GFPT2: variants seen among roughly 807,000 people sequenced by gnomAD.
The protein encoded by GFPT2 is glutamine--fructose-6-phosphate aminotransferase [isomerizing] 2.
In GFPT2, 62 loss-of-function variants were observed where a neutral mutation model predicts 85.6. The ratio of observed to expected loss-of-function variants is 0.72; its 90% confidence interval spans 0.59 to 0.90. The LOEUF (loss-of-function observed/expected upper bound fraction) is 0.90, where lower values mean the gene tolerates loss of function less well. GFPT2 is among the 40% of genes least tolerant of loss of function. The probability of loss-of-function intolerance (pLI) is 0.00; values close to 1 mark genes in which losing one functional copy is unlikely to be tolerated. For missense variants in GFPT2, 788 were observed against 893.4 expected, an observed-to-expected ratio of 0.88 and a Z score of 1.50; for synonymous variants, 368 against 344.5, an observed-to-expected ratio of 1.07 and a Z score of -0.75.
chr5:180,351,873 C>T (rs766470159), intron 1 of GFPT2, among the ~76,000 whole-genome samples: 2 of 152,146 alleles, frequency 1.3e-5, no homozygotes, highest in Non-Finnish European at 2.9e-5. Flanking sequence ...CCTCCTGGTT[C>T]AAGGGTCTCC....
intron 15 of GFPT2, among the ~76,000 whole-genome samples, chr5:180,309,935 C>T (rs1222036957): frequency 4.0e-5 from 6 of 151,764 alleles, no homozygotes; most frequent in Admixed American, 1.3e-4. Context: ...CTCAGCCCCC[C>T]GAGTAGCTGG....
At chr5:180,333,175 T>C (rs1009139542) in intron 4 of GFPT2, among the ~76,000 whole-genome samples, 1 of 152,186 alleles carries the variant, frequency 6.6e-6, no homozygotes, top group Admixed American at 6.5e-5. Flanking sequence ...CCATATTAAC[T>C]GGCTCCACGT....
intron 17 of GFPT2, among the ~76,000 whole-genome samples, chr5:180,302,979 C>T (rs1763706181): frequency 6.6e-6 from 1 of 152,024 alleles, no homozygotes; most frequent in African/African-American, 2.4e-5. Context: ...CCTGTAATCC[C>T]AACACTTTGG....
At chr5:180,331,016 G>A (rs1764290983) in intron 5 of GFPT2, 182 bp from the exon 6 acceptor site, 2 of 592,878 alleles carry the variant, frequency 3.4e-6, no homozygotes, top group Non-Finnish European at 5.9e-6. Context: ...CACTCCCGGA[G>A]GCCCTGAGAT....
chr5:180,316,929 C>G, intron 11 of GFPT2, 34 bp downstream of exon 11: 4 of 1,554,578 alleles, frequency 2.6e-6, no homozygotes, highest in Non-Finnish European at 3.6e-6. Context: ...AGACTAGGCT[C>G]GGGCGGAGGC....
At chr5:180,336,681 T>C (rs930065512) in intron 2 of GFPT2, 104 bp from the exon 3 acceptor site, 8 of 786,330 alleles carry the variant, frequency 1.0e-5, no homozygotes, top group Non-Finnish European at 1.8e-5. Context: ...GGCTGTCCGT[T>C]TATGGCAGGT....
At position 180,330,031 on chromosome 5, in the gene GFPT2, A is replaced by G. The variant is rs150033496; in HGVS notation, c.534+669T>C. On this transcript the variant is annotated intron_variant, in intron 6 of 18. Coordinates refer to ENST00000253778, the MANE Select transcript of GFPT2 (RefSeq NM_005110.4). The surrounding 1 kb of genome is among the most constrained non-coding windows in gnomAD (Gnocchi z 4.4). ...GACATGCTGTGATATCACCTATCAC[A>G]AAAACAGGCCAGGCACAGTGGCTCA... Among the ~76,000 whole-genome samples, 867 of 152,342 alleles carry G rather than the reference A, an allele frequency of 5.7e-3. 20 individuals carry two copies. Among genetic ancestry groups the G allele is most frequent in the South Asian group, 0.049 (235 of 4,826 alleles).
At chr5:180,313,006 A>G (rs965643161) in intron 14 of GFPT2, among the ~76,000 whole-genome samples, 4 of 151,716 alleles carry the variant, frequency 2.6e-5, no homozygotes, top group African/African-American at 9.7e-5. Flanking sequence ...CAAACCCCTG[A>G]CCTCAGGTGA....
At chr5:180,336,689 G>A in intron 2 of GFPT2, 112 bp from the exon 3 acceptor site, 1 of 767,584 alleles carries the variant, frequency 1.3e-6, no homozygotes, top group Non-Finnish European at 2.4e-6. Flanking sequence ...GTTTATGGCA[G>A]GTTGGAGAGC....
intron 15 of GFPT2, among the ~76,000 whole-genome samples, chr5:180,307,883 C>T (rs1252438737): frequency 6.6e-6 from 1 of 152,132 alleles, no homozygotes; most frequent in African/African-American, 2.4e-5. Context: ...GAGGCCGAGG[C>T]GGGTGGATCA....
intron 13 of GFPT2, 23 bp downstream of exon 13, chr5:180,316,318 G>C: frequency 6.2e-7 from 1 of 1,613,474 alleles, no homozygotes; most frequent in Non-Finnish European, 8.5e-7. Flanking sequence ...TGCAAGGCTG[G>C]CCACAATGCC....
intron 1 of GFPT2, among the ~76,000 whole-genome samples, chr5:180,344,173 T>C (rs1216429037): frequency 6.6e-6 from 1 of 152,108 alleles, no homozygotes; most frequent in Non-Finnish European, 1.5e-5. Context: ...ATCTCCAAGA[T>C]GTGTCAAGGG....
Position 180,316,541 on chromosome 5 carries a change from C to A in GFPT2, c.1153-80G>T, listed in dbSNP as rs148132666. 1.6e-4 allele frequency: 237 copies of A among 1,485,600 alleles called. No individual in the cohort carries two copies. In the African/African-American group the frequency reaches 2.8e-3, roughly 17 times the overall value. 92.0% of individuals were successfully genotyped at this position (1,485,600 alleles called of 1,614,324 possible). A position where few individuals can be genotyped will look rare whatever the true frequency, so the allele number is the denominator to read the frequency against. ...CATGGGGCAGCTGGGCTTCTAGGGA[C>A]AGTTTGTGACACGGAACCTCACTGT... On this transcript the variant is annotated intron_variant, in intron 12 of 18. Coordinates refer to ENST00000253778, the MANE Select transcript of GFPT2 (RefSeq NM_005110.4).
intron 16 of GFPT2, among the ~76,000 whole-genome samples, chr5:180,306,319 G>C (rs777848764): frequency 2.0e-5 from 3 of 152,178 alleles, no homozygotes; most frequent in Non-Finnish European, 4.4e-5. Context: ...GTGGGGAGGA[G>C]ATGGGAGAGG....
chr5:180,324,715 G>A (rs1352607002), intron 8 of GFPT2, 101 bp downstream of exon 8: 1 of 801,374 alleles, frequency 1.2e-6, no homozygotes, highest in Admixed American at 1.7e-5. Context: ...GGCTCAGAGT[G>A]GGGTTTCCTT....
intron 9 of GFPT2, among the ~76,000 whole-genome samples, chr5:180,322,742 A>G (rs559109645): frequency 1.3e-5 from 2 of 152,236 alleles, no homozygotes; most frequent in African/African-American, 2.4e-5. Flanking sequence ...TTTTTAAAAA[A>G]AAAGAAACAT....
chr5:180,305,063 G>A (rs1763749318), intron 16 of GFPT2, 124 bp from the exon 17 acceptor site: 4 of 722,050 alleles, frequency 5.5e-6, no homozygotes, highest in South Asian at 5.0e-5. Flanking sequence ...AGGGTTGCAA[G>A]GCAGACAGAT....
At chr5:180,325,614 C>T (rs1197800353) in intron 7 of GFPT2, among the ~76,000 whole-genome samples, 2 of 152,224 alleles carry the variant, frequency 1.3e-5, no homozygotes, top group Non-Finnish European at 2.9e-5. Context: ...CCTGTCCCAG[C>T]GTCACTGTCT....
intron 2 of GFPT2, 147 bp downstream of exon 2, chr5:180,338,346 G>A (rs1362477447): frequency 8.5e-6 from 4 of 471,328 alleles, no homozygotes; most frequent in Non-Finnish European, 1.5e-5. Context: ...TTTCTTTAAC[G>A]GACAAGTGTT....
Sources: allele counts gnomAD v4.1 joint callset (sites outside exome capture counted in the v4.1 genomes callset), GRCh38; gene constraint gnomAD v4.1.1; non-coding constraint Gnocchi (gnomAD v3.1); transcripts MANE v1.5; gene names NCBI Gene and HGNC (gene_info 2026-07-23, HGNC 2026-07-21).